SCFD1: variants seen among roughly 807,000 people sequenced by gnomAD.
SCFD1 encodes sec1 family domain containing 1, also known as sec1 family domain-containing protein 1.
In SCFD1, 37 loss-of-function variants were observed where a neutral mutation model predicts 103.2. The observed-to-expected ratio is 0.36, with a 90% CI of 0.28 to 0.47. SCFD1 has a LOEUF of 0.47. Ranked by LOEUF, SCFD1 falls within the 20% of genes least tolerant of loss-of-function variation. SCFD1 has a pLI of 1.00. For synonymous variants in SCFD1, 264 were observed against 245.0 expected, an observed-to-expected ratio of 1.08 and a Z score of -0.73; for missense variants, 639 against 761.2, an observed-to-expected ratio of 0.84 and a Z score of 1.89.
chr14:30,639,854 T>C lies in SCFD1; in HGVS notation c.513T>C (p.Val171=), dbSNP rs780167693. ...TATGTAATCAAAATAAGGAGCTTGT[T>C]TCATATCGTGGTATGTAAAAATAGA... ...FVLCNQNKEL[V]SYRAINRPDI... The change falls in exon 6 of 25, where the codon GTT becomes GTC. Residue 171 remains valine (V), a synonymous_variant. Coordinates refer to ENST00000458591, the MANE Select transcript of SCFD1 (RefSeq NM_016106.4). The C allele has an allele frequency of 6.3e-7, 1 of 1,583,100 alleles. No homozygotes were observed. Among genetic ancestry groups the C allele is most frequent in the Non-Finnish European group, 8.6e-7 (1 of 1,164,574 alleles).
chr14:30,673,235 T>G, intron 11 of SCFD1, 22 bp from the exon 12 acceptor site: 1 of 1,351,186 alleles, frequency 7.4e-7, no homozygotes, highest in Non-Finnish European at 1.0e-6. Context: ...ATCCTCATAG[T>G]TCTTGTGCAA....
At chr14:30,725,090 T>A (rs1009093821) in intron 23 of SCFD1, among the ~76,000 whole-genome samples, 7 of 152,222 alleles carry the variant, frequency 4.6e-5, no homozygotes, top group African/African-American at 1.7e-4. Context: ...TGTATAGCCC[T>A]GTACTATAGT....
At chr14:30,642,325 A>T (rs1885362627) in intron 6 of SCFD1, among the ~76,000 whole-genome samples, 1 of 152,202 alleles carries the variant, frequency 6.6e-6, no homozygotes, top group Middle Eastern at 3.2e-3. Context: ...TCCTAACCTT[A>T]GGTGATCTGC....
intron 23 of SCFD1, among the ~76,000 whole-genome samples, chr14:30,730,258 T>C (rs1454892208): frequency 6.6e-6 from 1 of 152,234 alleles, no homozygotes; most frequent in Non-Finnish European, 1.5e-5. Flanking sequence ...CAGTCTATCA[T>C]TGATGGACAT....
chr14:30,658,405 T>G (rs1490641218), intron 10 of SCFD1: 1 of 154,764 alleles, frequency 6.5e-6, no homozygotes, highest in African/African-American at 2.4e-5. Flanking sequence ...ATTTATTTAT[T>G]TTTTTGAGAT....
chr14:30,705,955 A>T (rs1891439936), intron 18 of SCFD1, 70 bp downstream of exon 18: 1 of 1,233,546 alleles, frequency 8.1e-7, no homozygotes, highest in Non-Finnish European at 1.2e-6. Context: ...TGCCTTAAAA[A>T]CACAATGTCT....
At chr14:30,697,954 G>A (rs1405601949) in intron 15 of SCFD1, among the ~76,000 whole-genome samples, 1 of 152,148 alleles carries the variant, frequency 6.6e-6, no homozygotes, top group Non-Finnish European at 1.5e-5. Flanking sequence ...TAGGATCTGA[G>A]AATTAAATGA....
chr14:30,632,966 C>G (rs1340035457), intron 3 of SCFD1, among the ~76,000 whole-genome samples: 1 of 152,196 alleles, frequency 6.6e-6, no homozygotes, highest in East Asian at 1.9e-4. Context: ...ATGGTGAACT[C>G]TTGTGTACTT....
intron 14 of SCFD1, chr14:30,675,405 C>G (rs1888945413): frequency 5.9e-6 from 1 of 168,136 alleles, no homozygotes; most frequent in South Asian, 2.0e-4. Context: ...TCTCTTTTAC[C>G]AGAGTTCTAT....
intron 13 of SCFD1, 123 bp downstream of exon 13, chr14:30,674,120 G>T (rs1423080041): frequency 1.5e-6 from 1 of 648,800 alleles, no homozygotes; most frequent in Non-Finnish European, 2.6e-6. Context: ...ATATAACTTT[G>T]AATTTAAAGA....
At chr14:30,667,441 C>T (rs955051544) in intron 10 of SCFD1, among the ~76,000 whole-genome samples, 2 of 152,184 alleles carry the variant, frequency 1.3e-5, no homozygotes, top group African/African-American at 4.8e-5. Context: ...AAACCTACAG[C>T]CAATATCATA....
intron 24 of SCFD1, among the ~76,000 whole-genome samples, chr14:30,735,275 A>G (rs1893759153): frequency 6.6e-6 from 1 of 151,970 alleles, no homozygotes; most frequent in Non-Finnish European, 1.5e-5. Context: ...GTTTATTGCA[A>G]TTCCATTTTC....
In SCFD1 at chr14:30,622,486, C is replaced by G. The variant is rs577313322; in HGVS notation, c.61+87C>G. 5 of 1,505,270 alleles carry G rather than the reference C, an allele frequency of 3.3e-6. No individual in the cohort carries two copies. The African/African-American group carries it at 4.2e-5, about 13-fold the overall frequency. The allele number at this position is 1,505,270 out of a possible 1,614,324, so 93.2% of individuals were successfully genotyped here. ...TGGTGCGTGCAGCTCAGAGACCGAT[C>G]TCCAGGAGTTTAATCCAGTCCCTAG... On this transcript the variant is annotated intron_variant, in intron 1 of 24. Coordinates refer to ENST00000458591, the MANE Select transcript of SCFD1 (RefSeq NM_016106.4).
chr14:30,703,863 C>T (rs1891242106), intron 17 of SCFD1, among the ~76,000 whole-genome samples: 1 of 132,886 alleles, frequency 7.5e-6, no homozygotes, highest in African/African-American at 2.7e-5. Flanking sequence ...ATGCTTGGAA[C>T]CAGAAGTGTT....
intron 8 of SCFD1, among the ~76,000 whole-genome samples, chr14:30,649,824 A>T (rs975955145): frequency 2.6e-5 from 4 of 152,136 alleles, no homozygotes; most frequent in Non-Finnish European, 5.9e-5. Context: ...TTCTTTTTTT[A>T]AAACTAAAAT....
At chr14:30,643,171 T>A in intron 6 of SCFD1, 145 bp from the exon 7 acceptor site, 1 of 674,252 alleles carries the variant, frequency 1.5e-6, no homozygotes. Flanking sequence ...AGATCCTGTC[T>A]GAAAAAAAAA....
At chr14:30,673,773 T>G in intron 12 of SCFD1, 151 bp from the exon 13 acceptor site, 1 of 616,042 alleles carries the variant, frequency 1.6e-6, no homozygotes, top group Non-Finnish European at 2.9e-6. Flanking sequence ...TGCTTGCACC[T>G]CAGAGGAGGA....
intron 15 of SCFD1, among the ~76,000 whole-genome samples, chr14:30,698,723 C>G (rs1200037301): frequency 6.6e-6 from 1 of 152,146 alleles, no homozygotes; most frequent in Non-Finnish European, 1.5e-5. Flanking sequence ...AAAGCCAAAG[C>G]TTTCTAGCTG....
At chr14:30,708,137 A>G in intron 19 of SCFD1, 72 bp downstream of exon 19, 1 of 923,870 alleles carries the variant, frequency 1.1e-6, no homozygotes. Context: ...TGCTCAGGTA[A>G]AGCAACTCCT....
Sources: gnomAD v4.1 joint callset for allele counts (sites outside exome capture counted in the v4.1 genomes callset) on GRCh38, gnomAD v4.1.1 for gene constraint, MANE v1.5 for transcripts, NCBI Gene and HGNC (gene_info 2026-07-23, HGNC 2026-07-21) for gene names.